VAV3: variants seen among roughly 807,000 people sequenced by gnomAD.
VAV3 encodes the protein vav guanine nucleotide exchange factor 3.
VAV3 carries 94 observed loss-of-function variants against 131.2 expected under a neutral mutation model. The observed-to-expected ratio is 0.72, with a 90% CI of 0.61 to 0.85. The LOEUF (loss-of-function observed/expected upper bound fraction) is 0.85, where lower values mean the gene tolerates loss of function less well. Among genes scored for constraint, VAV3 ranks in the 40% least tolerant of loss-of-function variants. The pLI is 0.00. For missense variants in VAV3, 939 were observed against 1,002.7 expected, an observed-to-expected ratio of 0.94 and a Z score of 0.86; for synonymous variants, 349 against 342.0, an observed-to-expected ratio of 1.02 and a Z score of -0.22.
chr1:107,796,305 C>T (rs992525728), intron 2 of VAV3, among the ~76,000 whole-genome samples: 2 of 152,096 alleles, frequency 1.3e-5, no homozygotes, highest in African/African-American at 4.8e-5. Context: ...GGATCTCTAA[C>T]CTCAACTCTA....
chr1:107,658,411 G>C (rs1243694833), intron 19 of VAV3, among the ~76,000 whole-genome samples: 1 of 152,138 alleles, frequency 6.6e-6, no homozygotes, highest in South Asian at 2.1e-4. Context: ...ATAAACATAC[G>C]TGTGCATGTG....
At chr1:107,753,527 C>CATATATATATATATACAT (rs752202122) in intron 12 of VAV3, among the ~76,000 whole-genome samples, 4 of 94,760 alleles carry the variant, frequency 4.2e-5, no homozygotes, top group African/African-American at 1.6e-4. Context: ...TATATATATA[C>CATATATATATATATACAT]GTATATATAT....
rs527764475 is a variant in VAV3, at chr1:107,916,503, T to A, written c.205-41486A>T. ...AACTAATATTTGAGTTCCTTCTCTG[T>A]GTAAAATATCAAATAAGACATTAAA... is the stretch of plus-strand genomic sequence containing the variant. On this transcript the variant is annotated intron_variant, in intron 1 of 26. Transcript: ENST00000370056. 9.2e-5 allele frequency among the ~76,000 whole-genome samples: 14 copies of A among 152,326 alleles called. No individual in the cohort carries two copies. The East Asian group carries it at 2.3e-3, about 25-fold the overall frequency.
At chr1:107,854,694 A>G (rs1669386724) in intron 2 of VAV3, among the ~76,000 whole-genome samples, 1 of 152,174 alleles carries the variant, frequency 6.6e-6, no homozygotes, top group South Asian at 2.1e-4. Flanking sequence ...AGTATGTCAT[A>G]ATGACCTCCC....
chr1:107,783,488 G>C (rs1001876047), intron 2 of VAV3, among the ~76,000 whole-genome samples: 1 of 152,122 alleles, frequency 6.6e-6, no homozygotes, highest in South Asian at 2.1e-4. Flanking sequence ...GATGACCTGG[G>C]CTAGCTGTTA....
At chr1:107,763,892 A>G (rs1664579547) in intron 9 of VAV3, among the ~76,000 whole-genome samples, 1 of 150,584 alleles carries the variant, frequency 6.6e-6, no homozygotes, top group African/African-American at 2.5e-5. Context: ...TACACTGAAC[A>G]AAGAAAAGGA....
intron 19 of VAV3, among the ~76,000 whole-genome samples, chr1:107,663,355 G>A (rs1049216361): frequency 6.6e-6 from 1 of 152,050 alleles, no homozygotes; most frequent in East Asian, 1.9e-4. Flanking sequence ...AGTATTTCTG[G>A]TCCAAATATT....
rs1649240058 is a variant in VAV3 at position 107,571,245 on chromosome 1, G to A, written c.*2086C>T. 1.3e-5 allele frequency: 2 copies of A among 152,630 alleles called. No homozygotes were observed. The highest frequency in any genetic ancestry group is 4.8e-5 in the African/African-American group (2 of 41,442). 9.5% of individuals were successfully genotyped at this position (152,630 alleles called of 1,614,324 possible). A position where few individuals can be genotyped will look rare whatever the true frequency, so the allele number is the denominator to read the frequency against. On this transcript the variant is annotated 3_prime_UTR_variant, in exon 27 of 27. Transcript: ENST00000370056. The stretch of plus-strand genomic sequence containing the variant: ...CACTCTAATTCACCGTATTACACGA[G>A]GGCTGCATACAGGCAAGACAAAGTA...
intron 2 of VAV3, among the ~76,000 whole-genome samples, chr1:107,836,031 AT>A (rs1230726340): frequency 6.6e-6 from 1 of 152,258 alleles, no homozygotes; most frequent in African/African-American, 2.4e-5. Context: ...ATCCAGATTC[AT>A]AAAACAAGTT....
intron 19 of VAV3, among the ~76,000 whole-genome samples, chr1:107,658,309 C>T (rs756245146): frequency 6.2e-4 from 94 of 152,166 alleles, no homozygotes; most frequent in Middle Eastern, 3.4e-3. Flanking sequence ...TAGTATTCCA[C>T]GGTGTATATG....
chr1:107,768,685 A>C (rs1308788902), intron 6 of VAV3, among the ~76,000 whole-genome samples, 176 bp from the exon 7 acceptor site: 1 of 152,238 alleles, frequency 6.6e-6, no homozygotes, highest in Non-Finnish European at 1.5e-5. Flanking sequence ...TTGAATAGAT[A>C]TATAAAAACA....
intron 20 of VAV3, among the ~76,000 whole-genome samples, chr1:107,622,749 C>T (rs1450243462): frequency 1.3e-5 from 2 of 152,156 alleles, no homozygotes; most frequent in African/African-American, 2.4e-5. Context: ...ATGGTCAGAG[C>T]GACTGTCACC....
intron 6 of VAV3, among the ~76,000 whole-genome samples, chr1:107,769,707 C>T (rs1395486564): frequency 6.6e-6 from 1 of 152,216 alleles, no homozygotes; most frequent in Non-Finnish European, 1.5e-5. Context: ...CTTGTTCCAA[C>T]AGACTCCTGA....
At chr1:107,632,413 T>C (rs1382175706) in intron 20 of VAV3, among the ~76,000 whole-genome samples, 2 of 152,200 alleles carry the variant, frequency 1.3e-5, no homozygotes, top group African/African-American at 4.8e-5. Flanking sequence ...CTAAGCTACA[T>C]AATGATTAAA....
chr1:107,602,319 A>T (rs745967160), intron 24 of VAV3, 78 bp downstream of exon 24: 3 of 1,078,574 alleles, frequency 2.8e-6, no homozygotes, highest in Non-Finnish European at 3.8e-6. Flanking sequence ...AATTTCCAAG[A>T]AACTATAGAA....
rs370061329 is a variant in VAV3 at position 107,874,891 on chromosome 1, G to A, written c.321+10C>T. 50 of 1,607,114 alleles carry A rather than the reference G, an allele frequency of 3.1e-5. No homozygotes were observed. In the African/African-American group the frequency reaches 5.9e-4, roughly 19 times the overall value. On this transcript the variant is annotated intron_variant, in intron 2 of 26. Coordinates refer to ENST00000370056, the MANE Select transcript of VAV3 (RefSeq NM_006113.5). ...GTTAAAAAGTAGTGTTAAAAATGAA[G>A]TATAATTACCTTTCCAAAGTCACGA...
intron 1 of VAV3, among the ~76,000 whole-genome samples, chr1:107,948,306 T>C (rs920184456): frequency 7.3e-6 from 1 of 136,902 alleles, no homozygotes; most frequent in African/African-American, 2.6e-5. Flanking sequence ...AATTCTGAAG[T>C]ACTTCCTGAT....
rs113044186 is a variant in VAV3, at chr1:107,905,772, T to C, written c.205-30755A>G. On this transcript the variant is annotated intron_variant, in intron 1 of 26. Transcript: ENST00000370056. ...GGCTTCAATATTGCTTTCTAAGACA[T>C]AGAATATTTTATCTTCCTAATAAAA... Among the ~76,000 whole-genome samples the C allele has an allele frequency of 2.1e-3, 323 of 152,314 alleles. 2 individuals carry two copies. Among genetic ancestry groups the C allele is most frequent in the African/African-American group, 7.4e-3 (307 of 41,582 alleles).
intron 2 of VAV3, among the ~76,000 whole-genome samples, chr1:107,826,792 A>C (rs1284574046): frequency 5.9e-5 from 9 of 152,202 alleles, no homozygotes; most frequent in Admixed American, 5.9e-4. Flanking sequence ...GATTTTGCTT[A>C]TAGAATCTGA....
Sources: gnomAD v4.1 joint callset for allele counts (sites outside exome capture counted in the v4.1 genomes callset) on GRCh38, gnomAD v4.1.1 for gene constraint, MANE v1.5 for transcripts, NCBI Gene and HGNC (gene_info 2026-07-23, HGNC 2026-07-21) for gene names.